The following NRF1 variants were observed in gnomAD, a reference collection of about 807,000 sequenced individuals.
NRF1 encodes alpha palindromic-binding protein.
NRF1 carries 5 observed loss-of-function variants against 58.5 expected under a neutral mutation model. The ratio of observed to expected loss-of-function variants is 0.09; its 90% confidence interval spans 0.04 to 0.18. The LOEUF (loss-of-function observed/expected upper bound fraction) is 0.18, where lower values mean the gene tolerates loss of function less well. Ranked by LOEUF, NRF1 falls within the 10% of genes least tolerant of loss-of-function variation. NRF1 has a pLI of 1.00. For missense variants in NRF1, 288 were observed against 657.7 expected (o/e 0.44, Z 6.15); for synonymous variants, 224 against 246.7 (o/e 0.91, Z 0.86).
chr7:129,728,193 T>C (rs901077712), intron 10 of NRF1, among the ~76,000 whole-genome samples: 2 of 152,150 alleles, frequency 1.3e-5, no homozygotes, highest in Non-Finnish European at 2.9e-5. Flanking sequence ...AATTAAATAC[T>C]CCATGGCTTT....
At chr7:129,636,660 A>G (rs1801174628) in intron 1 of NRF1, among the ~76,000 whole-genome samples, 1 of 152,192 alleles carries the variant, frequency 6.6e-6, no homozygotes, top group Non-Finnish European at 1.5e-5. Context: ...AATTTGATCA[A>G]TGTATCTTTT....
chr7:129,746,668 G>A (rs937398053), intron 10 of NRF1, among the ~76,000 whole-genome samples: 4 of 152,096 alleles, frequency 2.6e-5, no homozygotes, highest in African/African-American at 4.8e-5. Context: ...TCTTACTCAC[G>A]TATTCCTCTC....
At chr7:129,753,874 G>T (rs1310665507) in intron 10 of NRF1, among the ~76,000 whole-genome samples, 1 of 152,214 alleles carries the variant, frequency 6.6e-6, no homozygotes, top group African/African-American at 2.4e-5. Flanking sequence ...AGACGGAGCA[G>T]TGGCCAGAAG....
chr7:129,693,745 T>G (rs975364250), intron 5 of NRF1, among the ~76,000 whole-genome samples: 2 of 152,100 alleles, frequency 1.3e-5, no homozygotes, highest in Non-Finnish European at 2.9e-5. Context: ...AAACATAAAG[T>G]GAATTATTTT....
intron 10 of NRF1, among the ~76,000 whole-genome samples, chr7:129,734,715 G>A (rs114843637): frequency 0.026 from 3,995 of 152,288 alleles, 163 homozygotes; most frequent in African/African-American, 0.091. Context: ...TTTTCAGTGA[G>A]CAGAGTACTT....
intron 4 of NRF1, among the ~76,000 whole-genome samples, chr7:129,688,683 G>GGAGAGA (rs1271623241): frequency 6.9e-6 from 1 of 145,894 alleles, no homozygotes; most frequent in Non-Finnish European, 1.5e-5. Flanking sequence ...CATAGTGGCA[G>GGAGAGA]GAGAGAGACA....
chr7:129,732,848 C>T (rs999595751), intron 10 of NRF1, among the ~76,000 whole-genome samples: 1 of 152,090 alleles, frequency 6.6e-6, no homozygotes, highest in South Asian at 2.1e-4. Flanking sequence ...GTGATCTGCC[C>T]GCCTCAGCCT....
chr7:129,693,946 C>A (rs533469193), intron 5 of NRF1, among the ~76,000 whole-genome samples: 2 of 152,148 alleles, frequency 1.3e-5, no homozygotes, highest in African/African-American at 4.8e-5. Context: ...GTGGATTGGC[C>A]ACAAAAGTCA....
intron 1 of NRF1, among the ~76,000 whole-genome samples, chr7:129,636,303 C>T (rs1015760620): frequency 1.3e-5 from 2 of 150,636 alleles, no homozygotes; most frequent in South Asian, 2.1e-4. Flanking sequence ...GGTGTGATCT[C>T]GGCTCACTGC....
chr7:129,648,170 G>GT (rs1290475231), intron 1 of NRF1, among the ~76,000 whole-genome samples: 1 of 149,990 alleles, frequency 6.7e-6, no homozygotes, highest in Non-Finnish European at 1.5e-5. Context: ...TTTGTTTATA[G>GT]TTTAACTGTT....
chr7:129,718,564 G>T (rs1402949784), intron 9 of NRF1, among the ~76,000 whole-genome samples: 1 of 152,176 alleles, frequency 6.6e-6, no homozygotes. Context: ...TGCGGAGACT[G>T]ATTTAAGTAA....
At chr7:129,652,210 T>C (rs1345533658) in intron 1 of NRF1, among the ~76,000 whole-genome samples, 1 of 152,160 alleles carries the variant, frequency 6.6e-6, no homozygotes, top group Non-Finnish European at 1.5e-5. Context: ...AATAAATAAT[T>C]ATGTTCTTTT....
chr7:129,622,561 C>G lies in NRF1; in HGVS notation c.-7+10737C>G, dbSNP rs150688938. Among the ~76,000 whole-genome samples the G allele has an allele frequency of 2.9e-4, 42 of 142,474 alleles. No homozygotes were observed. The East Asian group carries it at 8.2e-3, about 28-fold the overall frequency. 93.5% of individuals were successfully genotyped at this position (142,474 alleles called of 152,430 possible). A position where few individuals can be genotyped will look rare whatever the true frequency, so the allele number is the denominator to read the frequency against. ...ATGCATGGTTTAGATATTTTTCTTTCTTTTCTTTTCTTTTTTTTTTTTTTT... is the reference window on the plus strand; with the variant it reads ...ATGCATGGTTTAGATATTTTTCTTTGTTTTCTTTTCTTTTTTTTTTTTTTT... On this transcript the variant is annotated intron_variant, in intron 1 of 10. Transcript: ENST00000393232.
chr7:129,682,579 A>C (rs1476118903), intron 4 of NRF1, among the ~76,000 whole-genome samples: 1 of 151,436 alleles, frequency 6.6e-6, no homozygotes, highest in Non-Finnish European at 1.5e-5. Flanking sequence ...CAGATTTAAT[A>C]AGGTTGACAG....
chr7:129,630,583 T>C (rs190615369), intron 1 of NRF1, among the ~76,000 whole-genome samples: 2 of 152,336 alleles, frequency 1.3e-5, no homozygotes, highest in Admixed American at 1.3e-4. Flanking sequence ...TACATTTTGT[T>C]GTTCCTCTTC....
intron 1 of NRF1, among the ~76,000 whole-genome samples, chr7:129,630,623 T>G (rs1801027165): frequency 6.6e-6 from 1 of 152,198 alleles, no homozygotes; most frequent in South Asian, 2.1e-4. Flanking sequence ...TGGGCTTCTT[T>G]CTTGTTTTGT....
chr7:129,745,830 C>A (rs1803964387), intron 10 of NRF1, among the ~76,000 whole-genome samples: 1 of 152,128 alleles, frequency 6.6e-6, no homozygotes, highest in Non-Finnish European at 1.5e-5. Flanking sequence ...CAAAATAGGT[C>A]TTGAGATATA....
intron 10 of NRF1, among the ~76,000 whole-genome samples, chr7:129,748,893 G>A (rs1195737435): frequency 6.6e-6 from 1 of 152,166 alleles, no homozygotes; most frequent in Non-Finnish European, 1.5e-5. Context: ...GAAACTCATT[G>A]CCCCAGGAGA....
chr7:129,648,274 C>CTTTT (rs35513653), intron 1 of NRF1, among the ~76,000 whole-genome samples: 25 of 97,052 alleles, frequency 2.6e-4, no homozygotes, highest in Non-Finnish European at 3.3e-4. Context: ...GCATTATTGA[C>CTTTT]TTTTTTTTTT....
Sources: allele counts gnomAD v4.1 joint callset (sites outside exome capture counted in the v4.1 genomes callset), GRCh38; gene constraint gnomAD v4.1.1; transcripts MANE v1.5; gene names NCBI Gene and HGNC (gene_info 2026-07-23, HGNC 2026-07-21).